GAPVD1: variants seen among roughly 807,000 people sequenced by gnomAD.
GAPVD1 encodes GTPase activating protein and VPS9 domains 1, also known as GTPase-activating protein and VPS9 domain-containing protein 1.
Under a neutral mutation model 155.5 loss-of-function variants are expected in GAPVD1, and 35 were observed. The ratio of observed to expected loss-of-function variants is 0.23; its 90% CI spans 0.17 to 0.30. GAPVD1 has a LOEUF of 0.30. Among genes scored for constraint, GAPVD1 ranks in the 10% least tolerant of loss-of-function variants. The pLI, the probability that GAPVD1 is intolerant of heterozygous loss-of-function variation, is 1.00. For missense variants in GAPVD1, 1,429 were observed against 1,775.7 expected (o/e 0.80, Z 3.51); for synonymous variants, 636 against 619.7 (o/e 1.03, Z -0.39).
intron 9 of GAPVD1, among the ~76,000 whole-genome samples, chr9:125,315,471 G>A (rs893400556): frequency 6.6e-6 from 1 of 152,206 alleles, no homozygotes; most frequent in African/African-American, 2.4e-5. Context: ...TTACTGTGCA[G>A]TGTGCTGGTA....
chr9:125,318,990 A>G lies in GAPVD1; in HGVS notation c.1603-2443A>G, dbSNP rs542032856. Among the ~76,000 whole-genome samples the G allele has an allele frequency of 1.5e-3, 225 of 152,156 alleles. 2 individuals carry two copies. The highest frequency in any genetic ancestry group is 4.6e-3 in the South Asian group (22 of 4,812). ...CAGGAGTTTGAGACCAGCCTGGCCA[A>G]CATGGTGAAACCCCATCTTTACTAA... On this transcript the variant is annotated intron_variant, in intron 9 of 27. Transcript: ENST00000297933.
At chr9:125,263,483 G>A (rs1588459272) in intron 1 of GAPVD1, 3 of 681,256 alleles carry the variant, frequency 4.4e-6, no homozygotes, top group Non-Finnish European at 7.7e-6. Flanking sequence ...TCCTGAAATA[G>A]AAATAAGGTT....
chr9:125,349,656 G>T (rs951803147), intron 21 of GAPVD1, 137 bp downstream of exon 21: 13 of 724,918 alleles, frequency 1.8e-5, no homozygotes, highest in South Asian at 1.2e-4. Flanking sequence ...TTACTAAGAA[G>T]ACTTTGTTTC....
In GAPVD1 at chr9:125,307,481, C is replaced by A; in HGVS notation, c.1185C>A (p.Ser395=). Residue 395 remains serine, a synonymous_variant, in exon 7 of 28, where the codon TCC becomes TCA. Transcript: ENST00000297933. The part of the protein sequence containing the change: ...GRAVETPPLS[S]VNLLEGLSRT... ...CAGTGGAGACCCCTCCATTGTCTTC[C>A]GTCAATCTTCTGGAAGGATTGAGCA... The A allele has an allele frequency of 6.2e-7, 1 of 1,608,712 alleles. No homozygotes were observed. Among genetic ancestry groups the A allele is most frequent in the Non-Finnish European group, 8.5e-7 (1 of 1,175,298 alleles).
intron 15 of GAPVD1, chr9:125,335,264 A>C: frequency 1.4e-6 from 1 of 695,882 alleles, no homozygotes; most frequent in Non-Finnish European, 2.6e-6. Flanking sequence ...TAAGCTGTAC[A>C]TTAAAAATAC....
chr9:125,270,669 C>T (rs984467486), intron 2 of GAPVD1, among the ~76,000 whole-genome samples: 11 of 151,928 alleles, frequency 7.2e-5, no homozygotes, highest in South Asian at 2.1e-4. Flanking sequence ...TGAGGCCGGG[C>T]GCAGTGGCTC....
In GAPVD1 at chr9:125,264,030, CCTT is replaced by C. The variant is rs938130970; in HGVS notation, c.-199+2075_-199+2077del. On this transcript the variant is annotated intron_variant, in intron 1 of 27. Transcript: ENST00000297933. ...TCTGGGTGCTTAGGCATGTGGACAT[CCTT>C]CTTGGCCACCATGACTCCCTCCTTA... 7.5e-6 allele frequency: 9 copies of C among 1,194,120 alleles called. No individual in the cohort carries two copies. The African/African-American group carries it at 1.2e-4, about 16-fold the overall frequency. The allele number at this position is 1,194,120 out of a possible 1,614,324, so 74.0% of individuals were successfully genotyped here. A position where few individuals can be genotyped will look rare whatever the true frequency, so the allele number is the denominator to read the frequency against.
intron 9 of GAPVD1, among the ~76,000 whole-genome samples, chr9:125,314,874 A>T (rs1468171366): frequency 1.4e-5 from 2 of 141,062 alleles, no homozygotes; most frequent in Non-Finnish European, 3.1e-5. Context: ...TGCGAGGTCC[A>T]CCTCCCGGGT....
intron 3 of GAPVD1, among the ~76,000 whole-genome samples, chr9:125,297,849 A>C (rs1322181154): frequency 6.6e-6 from 1 of 152,066 alleles, no homozygotes; most frequent in African/African-American, 2.4e-5. Flanking sequence ...AGGTTCAAAC[A>C]ATTCTCCTGC....
chr9:125,273,564 T>C (rs1442332028), intron 2 of GAPVD1, among the ~76,000 whole-genome samples: 1 of 151,972 alleles, frequency 6.6e-6, no homozygotes, highest in Non-Finnish European at 1.5e-5. Context: ...GATGTTATAC[T>C]TGGCCACAAG....
chr9:125,347,394 A>G (rs1310193649), intron 20 of GAPVD1, among the ~76,000 whole-genome samples: 2 of 152,194 alleles, frequency 1.3e-5, no homozygotes, highest in African/African-American at 4.8e-5. Context: ...AAAATGAGAT[A>G]TAGTCCCCAA....
At chr9:125,284,591 T>C (rs1245419389) in intron 2 of GAPVD1, among the ~76,000 whole-genome samples, 4 of 152,006 alleles carry the variant, frequency 2.6e-5, no homozygotes, top group Non-Finnish European at 5.9e-5. Flanking sequence ...ACTGACAGGC[T>C]TGAGACACCA....
At chr9:125,319,896 C>A (rs2131463384) in intron 9 of GAPVD1, among the ~76,000 whole-genome samples, 1 of 152,046 alleles carries the variant, frequency 6.6e-6, no homozygotes, top group Non-Finnish European at 1.5e-5. Flanking sequence ...CCGCTCCCAG[C>A]CAAAAAACCT....
In GAPVD1 at chr9:125,366,059, A is replaced by G. The variant is rs535059031; in HGVS notation, c.*3313A>G. Reference sequence around the variant, plus strand: ...GCTTTTTCTTTATAAAAACCTGCTTATGAAGGCCTTCTGATACAGATAGTT... The same window carrying G: ...GCTTTTTCTTTATAAAAACCTGCTTGTGAAGGCCTTCTGATACAGATAGTT... On this transcript the variant is annotated 3_prime_UTR_variant, in exon 28 of 28. Transcript: ENST00000297933. 1.4e-4 allele frequency: 22 copies of G among 152,360 alleles called. No homozygotes were observed. The South Asian group carries it at 4.3e-3, about 30-fold the overall frequency. The allele number at this position is 152,360 out of a possible 1,614,324, so 9.4% of individuals were successfully genotyped here.
chr9:125,333,755 T>C (rs1467158441), intron 15 of GAPVD1, among the ~76,000 whole-genome samples: 1 of 152,242 alleles, frequency 6.6e-6, no homozygotes, highest in Admixed American at 6.5e-5. Context: ...CCCAAAGTGC[T>C]GGGATTACAG....
intron 19 of GAPVD1, among the ~76,000 whole-genome samples, 170 bp downstream of exon 19, chr9:125,342,469 C>T (rs1465575541): frequency 6.6e-6 from 1 of 152,184 alleles, no homozygotes; most frequent in Admixed American, 6.5e-5. Flanking sequence ...CACAGTAAAC[C>T]TGTGTGCTCT....
chr9:125,293,872 A>T (rs1275222349), intron 2 of GAPVD1, among the ~76,000 whole-genome samples: 1,059 of 14,450 alleles, frequency 0.073, 60 homozygotes, highest in African/African-American at 0.35. Flanking sequence ...ATATATATAT[A>T]TATATATATA....
chr9:125,264,154 A>G, intron 1 of GAPVD1: 1 of 680,488 alleles, frequency 1.5e-6, no homozygotes, highest in Non-Finnish European at 2.7e-6. Context: ...AGAATTTCAT[A>G]ATCAGGGAGA....
chr9:125,299,291 T>A (rs1840384717), intron 4 of GAPVD1, among the ~76,000 whole-genome samples, 185 bp downstream of exon 4: 1 of 152,214 alleles, frequency 6.6e-6, no homozygotes, highest in Admixed American at 6.5e-5. Flanking sequence ...CTTAGGCACT[T>A]TTATAGAAAA....
Sources: allele counts gnomAD v4.1 joint callset (sites outside exome capture counted in the v4.1 genomes callset), GRCh38; gene constraint gnomAD v4.1.1; transcripts MANE v1.5; gene names NCBI Gene and HGNC (gene_info 2026-07-23, HGNC 2026-07-21).